IL22RA1: variants seen among roughly 807,000 people sequenced by gnomAD.
The protein encoded by IL22RA1 is interleukin 22 receptor subunit alpha 1, also known as interleukin-22 receptor subunit alpha-1.
Under a neutral mutation model 32.8 loss-of-function variants are expected in IL22RA1, and 25 were observed. That is an observed-to-expected ratio of 0.76 (90% CI 0.55 to 1.06). IL22RA1 has a LOEUF of 1.06. Among genes scored for constraint, IL22RA1 ranks in the 50% least tolerant of loss-of-function variants. The probability of loss-of-function intolerance (pLI) is 0.00; values close to 1 mark genes in which losing one functional copy is unlikely to be tolerated. For missense variants in IL22RA1, 709 were observed against 727.4 expected (o/e 0.97, Z 0.29); for synonymous variants, 305 against 305.0 (o/e 1.00, Z 0.00).
At chr1:24,131,697 G>A (rs1456544643) in intron 4 of IL22RA1, among the ~76,000 whole-genome samples, 3 of 152,234 alleles carry the variant, frequency 2.0e-5, no homozygotes, top group Non-Finnish European at 4.4e-5. Context: ...ACAATTAAAC[G>A]ACCAATTGAC....
At chr1:24,136,970 T>C (rs767121534) in intron 3 of IL22RA1, among the ~76,000 whole-genome samples, 161 bp downstream of exon 3, 3 of 137,942 alleles carry the variant, frequency 2.2e-5, no homozygotes, top group Non-Finnish European at 4.7e-5. Context: ...TTGGTGGGGG[T>C]GGGGGGCTTC....
chr1:24,139,308 T>C (rs547397119), intron 1 of IL22RA1, among the ~76,000 whole-genome samples: 1 of 152,370 alleles, frequency 6.6e-6, no homozygotes, highest in East Asian at 1.9e-4. Context: ...TATTCCATTG[T>C]GTGATATACC....
At position 24,120,975 on chromosome 1, in the gene IL22RA1, G is replaced by T. The variant is rs746157942; in HGVS notation, c.1555C>A (p.Pro519Thr). 1.2e-6 allele frequency: 2 copies of T among 1,614,162 alleles called. No homozygotes were observed. Among genetic ancestry groups the T allele is most frequent in the East Asian group, 4.5e-5 (2 of 44,886 alleles). ...GGACCTTGGTCCGAGGGGGAACATG[G>T]ACGGGAAGGAGGTTGCAAAGGGAGG... is the stretch of plus-strand genomic sequence containing the variant. ...MSLPLQPPSR[P>T]CSPSDQGPSP... is the part of the protein sequence containing the mutation. Residue 519 changes from proline to threonine, a missense_variant, in exon 7 of 7, where the codon CCA becomes ACA. Transcript: ENST00000270800.
chr1:24,141,035 C>T (rs934944088), intron 1 of IL22RA1, among the ~76,000 whole-genome samples: 2 of 152,248 alleles, frequency 1.3e-5, no homozygotes, highest in African/African-American at 2.4e-5. Flanking sequence ...GACCCCGCTG[C>T]ACATCCTCTG....
rs566935470 is a variant in IL22RA1, at chr1:24,127,978, A to G, written c.670+163T>C. Among the ~76,000 whole-genome samples, 4 of 152,188 alleles carry G rather than the reference A, an allele frequency of 2.6e-5. No individual in the cohort carries two copies. The East Asian group carries it at 7.7e-4, about 29-fold the overall frequency. ...ATTTGCTTTGATAACTCATCAGCCA[A>G]CTCTTTTATGGATAAACAAAGATTG... On this transcript the variant is annotated intron_variant, in intron 5 of 6. Transcript: ENST00000270800.
intron 3 of IL22RA1, chr1:24,134,935 T>A (rs1255702987): frequency 1.7e-6 from 1 of 599,204 alleles, no homozygotes; most frequent in Non-Finnish European, 2.1e-6. Flanking sequence ...TGGGTCTTCT[T>A]CCTGCCAAAA....
chr1:24,134,853 A>G (rs940728431), intron 3 of IL22RA1: 17 of 984,644 alleles, frequency 1.7e-5, no homozygotes, highest in East Asian at 2.3e-4. Flanking sequence ...GTCTCTCTCA[A>G]GATGGAATTT....
chr1:24,134,012 CTAT>C (rs1644224801), intron 4 of IL22RA1, among the ~76,000 whole-genome samples, 196 bp downstream of exon 4: 1 of 152,172 alleles, frequency 6.6e-6, no homozygotes, highest in Admixed American at 6.5e-5. Flanking sequence ...TTTTAGCATG[CTAT>C]TGTGTGTGTG....
chr1:24,123,518 C>G, intron 5 of IL22RA1, 95 bp from the exon 6 acceptor site: 1 of 1,545,366 alleles, frequency 6.5e-7, no homozygotes, highest in East Asian at 2.4e-5. Flanking sequence ...TGAAAACCCT[C>G]TCTGGCTGGG....
Position 24,137,247 on chromosome 1 carries a change from T to C in IL22RA1, c.239A>G (p.Asn80Ser), listed in dbSNP as rs149856921. Residue 80 changes from asparagine (N) to serine (S), a missense_variant, in exon 3 of 7, where the codon AAC becomes AGC. Physicochemically the swap from Asn to Ser is conservative, Grantham distance 46 (BLOSUM62 1). Transcript: ENST00000270800. ...GCQRITRKSC[N>S]LTVETGNLTE... ...GAGGTTGCCCGTCTCCACCGTCAGG[T>C]TGCAGGACTTCCGGGTGATCCGCTG... 1.5e-5 allele frequency: 25 copies of C among 1,614,152 alleles called. No homozygotes were observed. The African/African-American group carries it at 3.1e-4, about 20-fold the overall frequency.
chr1:24,134,253 C>A lies in IL22RA1; in HGVS notation c.489G>T (p.Leu163=), dbSNP rs765207686. Residue 163 remains leucine (L), a synonymous_variant, in exon 4 of 7, where the codon CTG becomes CTT. Transcript: ENST00000270800. ...TGACCTGGAGCTCTAAGTGGTAGAA[C>A]AGGTCATGGAAGATGTCTTCCAGGG... ...RLTLEDIFHD[L]FYHLELQVNR... 2.2e-5 allele frequency: 35 copies of A among 1,611,798 alleles called. No homozygotes were observed. The South Asian group carries it at 3.7e-4, about 17-fold the overall frequency.
At chr1:24,140,340 T>A (rs1390887439) in intron 1 of IL22RA1, among the ~76,000 whole-genome samples, 1 of 152,090 alleles carries the variant, frequency 6.6e-6, no homozygotes, top group African/African-American at 2.4e-5. Context: ...CAGGCCCCTA[T>A]GTACATGTGT....
chr1:24,123,646 T>A (rs1644142047), intron 5 of IL22RA1: 1 of 1,061,978 alleles, frequency 9.4e-7, no homozygotes, highest in South Asian at 1.8e-5. Context: ...AAATAAAATG[T>A]TCGAGGTTTC....
chr1:24,136,927 A>G (rs7418238), intron 3 of IL22RA1, among the ~76,000 whole-genome samples: 13,621 of 151,828 alleles, frequency 0.09, 743 homozygotes, highest in Middle Eastern at 0.17. Context: ...GAGGTGGAGA[A>G]AAGTGAACAA....
chr1:24,125,889 A>G (rs534044057), intron 5 of IL22RA1, among the ~76,000 whole-genome samples: 6 of 152,262 alleles, frequency 3.9e-5, no homozygotes, highest in Non-Finnish European at 7.3e-5. Context: ...TATATTTTTA[A>G]GGATAAGGTG....
chr1:24,129,919 C>T (rs555427838), intron 4 of IL22RA1, among the ~76,000 whole-genome samples: 36 of 152,178 alleles, frequency 2.4e-4, no homozygotes, highest in Non-Finnish European at 4.6e-4. Context: ...AAGTTTTTCA[C>T]GACCTCCATC....
chr1:24,123,552 A>G (rs1331793455), intron 5 of IL22RA1, 129 bp from the exon 6 acceptor site: 3 of 1,498,536 alleles, frequency 2.0e-6, no homozygotes, highest in Non-Finnish European at 1.8e-6. Context: ...TCCTACCGTC[A>G]GAATGCAAGA....
Position 24,121,438 on chromosome 1 carries a change from A to G in IL22RA1, c.1092T>C (p.Tyr364=). ...GAGCTTCGGGGGTCACCTGAGGTGCATAGGATGGGGGCCCGACCTCAGGGG... is the reference window on the plus strand; with the variant it reads ...GAGCTTCGGGGGTCACCTGAGGTGCGTAGGATGGGGGCCCGACCTCAGGGG... ...NAAPEVGPPS[Y]APQVTPEAQF... The change falls in exon 7 of 7, where the codon TAT becomes TAC. Residue 364 remains tyrosine, a synonymous_variant. Transcript: ENST00000270800. The G allele has an allele frequency of 6.5e-7, 1 of 1,548,610 alleles. No individual in the cohort carries two copies. Among genetic ancestry groups the G allele is most frequent in the Non-Finnish European group, 8.7e-7 (1 of 1,145,512 alleles).
Position 24,121,689 on chromosome 1 carries a change from G to C in IL22RA1, c.841C>G (p.His281Asp), listed in dbSNP as rs1379373925. 1 of 1,582,676 alleles carries C rather than the reference G, an allele frequency of 6.3e-7. No homozygotes were observed. The highest frequency in any genetic ancestry group is 1.8e-5 in the Admixed American group (1 of 55,722). Residue 281 changes from histidine to aspartate, a missense_variant, in exon 7 of 7, where the codon CAC becomes GAC. Coordinates refer to ENST00000270800, the MANE Select transcript of IL22RA1 (RefSeq NM_021258.4). ...AGGTCAAAGACAGGGATCAGGACGT[G>C]CTCCTGGATGAAGCGCAGCGGCTGG... ...TFQPLRFIQE[H>D]VLIPVFDLSG...
Sources: allele counts gnomAD v4.1 joint callset (sites outside exome capture counted in the v4.1 genomes callset), GRCh38; gene constraint gnomAD v4.1.1; transcripts MANE v1.5; gene names NCBI Gene and HGNC (gene_info 2026-07-23, HGNC 2026-07-21).